Variants in RPS6KA2 observed in about 807,000 individuals in gnomAD.
RPS6KA2 encodes the protein ribosomal protein S6 kinase alpha-2.
Under a neutral mutation model 91.8 loss-of-function variants are expected in RPS6KA2, and 42 were observed. That is an observed-to-expected ratio of 0.46 (90% confidence interval 0.36 to 0.59). The LOEUF (loss-of-function observed/expected upper bound fraction) is 0.59. Ranked by LOEUF, RPS6KA2 falls within the 20% of genes least tolerant of loss-of-function variation. The pLI is 0.00. For missense variants in RPS6KA2, 798 were observed against 978.5 expected, an observed-to-expected ratio of 0.82 and a Z score of 2.46; for synonymous variants, 414 against 393.6, an observed-to-expected ratio of 1.05 and a Z score of -0.61.
chr6:166,850,222 A>G (rs1314974035), intron 2 of RPS6KA2, among the ~76,000 whole-genome samples: 1 of 151,956 alleles, frequency 6.6e-6, no homozygotes, highest in Admixed American at 6.6e-5. Context: ...TCCCCATTTT[A>G]TTACTTCAAA....
chr6:166,453,230 C>CAA lies in RPS6KA2; in HGVS notation c.1076-1999_1076-1998dup, dbSNP rs397720075. On this transcript the variant is annotated intron_variant, in intron 12 of 20. Coordinates refer to ENST00000265678, the MANE Select transcript of RPS6KA2 (RefSeq NM_021135.6). ...ACACACACACACACACACACACACA[C>CAA]AAAAAGGCTTTAAGACCAGCATAAG... 9.6e-5 allele frequency among the ~76,000 whole-genome samples: 14 copies of CAA among 146,558 alleles called. No individual in the cohort carries two copies. In the East Asian group the frequency reaches 1.6e-3, roughly 16 times the overall value.
Position 166,554,690 on chromosome 6 carries a change from C to T in RPS6KA2, c.100-15906G>A, listed in dbSNP as rs1328311736. Among the ~76,000 whole-genome samples the T allele has an allele frequency of 1.3e-5, 2 of 152,234 alleles. No individual in the cohort carries two copies. Among genetic ancestry groups the T allele is most frequent in the Non-Finnish European group, 2.9e-5 (2 of 68,036 alleles). On this transcript the variant is annotated intron_variant, in intron 1 of 20. Transcript: ENST00000265678. The surrounding 1 kb of genome is among the most constrained non-coding windows in gnomAD (Gnocchi z 4.3). ...GCCTGAAAGCAGGGGGCAAAACCAA[C>T]CTGCTGTCTGAAAGGGTTTTGTTTT...
chr6:166,625,882 C>T (rs1413920744), intron 1 of RPS6KA2, among the ~76,000 whole-genome samples: 2 of 152,194 alleles, frequency 1.3e-5, no homozygotes, highest in Non-Finnish European at 2.9e-5. Flanking sequence ...AAGTAATTCT[C>T]TTCTACTTTT....
rs571056905 is a variant in RPS6KA2 at position 166,700,899 on chromosome 6, G to T, written c.123+157301C>A. Among the ~76,000 whole-genome samples, 23 of 152,298 alleles carry T rather than the reference G, an allele frequency of 1.5e-4. No homozygotes were observed. In the South Asian group the frequency reaches 4.8e-3, roughly 32 times the overall value. On this transcript the variant is annotated intron_variant, in intron 2 of 21. Coordinates refer to the RPS6KA2 transcript ENST00000503859. ...TTGTGTGTTTGTTTTAAAGCTGGGTGTCATACATTTCAGAGAGCATAAAGT... is the reference window on the plus strand; with the variant it reads ...TTGTGTGTTTGTTTTAAAGCTGGGTTTCATACATTTCAGAGAGCATAAAGT...
chr6:166,620,747 A>G (rs1024293341), intron 1 of RPS6KA2, among the ~76,000 whole-genome samples: 1 of 152,256 alleles, frequency 6.6e-6, no homozygotes, highest in Non-Finnish European at 1.5e-5. Context: ...GACAAGGCAC[A>G]TTTCACTGAT....
chr6:166,498,489 A>G lies in RPS6KA2; in HGVS notation c.747+19T>C, dbSNP rs1781877044. The G allele has an allele frequency of 6.3e-7, 1 of 1,595,424 alleles. No homozygotes were observed. ...GGGAACAGCCGCCATGGCACAGAAG[A>G]GGGTCGGGGCAGGCTCACCATGAGC... On this transcript the variant is annotated intron_variant, in intron 8 of 20. Coordinates refer to ENST00000265678, the MANE Select transcript of RPS6KA2 (RefSeq NM_021135.6).
chr6:166,664,344 T>TA (rs2128558785), intron 2 of RPS6KA2, among the ~76,000 whole-genome samples: 1 of 152,374 alleles, frequency 6.6e-6, no homozygotes, highest in Non-Finnish European at 1.5e-5. Context: ...GTAAACACTT[T>TA]AAGTTTCCGG....
At chr6:166,746,146 G>C (rs1245619261) in intron 2 of RPS6KA2, among the ~76,000 whole-genome samples, 2 of 152,182 alleles carry the variant, frequency 1.3e-5, no homozygotes, top group Non-Finnish European at 2.9e-5. Flanking sequence ...TGAGTGGCCA[G>C]TGCCTTGGGA....
intron 2 of RPS6KA2, among the ~76,000 whole-genome samples, chr6:166,739,465 G>A (rs1196841653): frequency 2.6e-5 from 4 of 152,176 alleles, no homozygotes; most frequent in Non-Finnish European, 5.9e-5. Context: ...ATTAGAGCTC[G>A]TCTCTAAAAT....
rs543641462 is a variant in RPS6KA2 at position 166,733,456 on chromosome 6, T to C, written c.123+124744A>G. On this transcript the variant is annotated intron_variant, in intron 2 of 21. Coordinates refer to the RPS6KA2 transcript ENST00000503859. This position sits in a 1 kb window ranked among gnomAD's most constrained non-coding sequence, Gnocchi z 4.1. ...GGCAGGATCTACTCCCAAAAAGACA[T>C]AGGGACCCTTACAGTACGAGTTTTG... Among the ~76,000 whole-genome samples, 54 of 152,320 alleles carry C rather than the reference T, an allele frequency of 3.5e-4. No homozygotes were observed. The highest frequency in any genetic ancestry group is 1.2e-3 in the South Asian group (6 of 4,818).
In RPS6KA2 at chr6:166,437,560, G is replaced by C. The variant is rs1223936477; in HGVS notation, c.1333-5070C>G. Among the ~76,000 whole-genome samples, 1 of 152,204 alleles carries C rather than the reference G, an allele frequency of 6.6e-6. No homozygotes were observed. On this transcript the variant is annotated intron_variant, in intron 14 of 20. Coordinates refer to ENST00000265678, the MANE Select transcript of RPS6KA2 (RefSeq NM_021135.6). This position sits in a 1 kb window ranked among gnomAD's most constrained non-coding sequence, Gnocchi z 4.3. ...AACCTCCAGAGAAGGGCATTCTCCA[G>C]GGGTTGGCCACCCACCACAGCCGGT...
intron 2 of RPS6KA2, among the ~76,000 whole-genome samples, chr6:166,760,775 T>C (rs963026243): frequency 6.6e-6 from 1 of 152,164 alleles, no homozygotes; most frequent in African/African-American, 2.4e-5. Context: ...GCACAAAGGG[T>C]CCGAATAATC....
chr6:166,644,005 G>A (rs1379722309), intron 2 of RPS6KA2, among the ~76,000 whole-genome samples: 1 of 152,252 alleles, frequency 6.6e-6, no homozygotes, highest in African/African-American at 2.4e-5. Context: ...ATAGACGAGT[G>A]AAAGCAGTCA....
rs929932498 is a variant in RPS6KA2 at position 166,780,899 on chromosome 6, C to A, written c.123+77301G>T. ...AACACCCCAGGCTGAGCAACCAACACTCCCCAGTGGACTAATGCAGAGCCA... is the reference window on the plus strand; with the variant it reads ...AACACCCCAGGCTGAGCAACCAACAATCCCCAGTGGACTAATGCAGAGCCA... On this transcript the variant is annotated intron_variant, in intron 2 of 21. Coordinates refer to the RPS6KA2 transcript ENST00000503859. Among the ~76,000 whole-genome samples, 7 of 152,190 alleles carry A rather than the reference C, an allele frequency of 4.6e-5. 1 individual carries two copies. The highest frequency in any genetic ancestry group is 1.0e-4 in the Non-Finnish European group (7 of 68,032).
chr6:166,654,902 T>C (rs1404844653), intron 2 of RPS6KA2, among the ~76,000 whole-genome samples: 7 of 152,188 alleles, frequency 4.6e-5, no homozygotes, highest in Non-Finnish European at 8.8e-5. Context: ...ATAAGTAGGA[T>C]GTGGGGCAAT....
chr6:166,507,215 G>A (rs1034230484), intron 5 of RPS6KA2, among the ~76,000 whole-genome samples: 3 of 152,188 alleles, frequency 2.0e-5, no homozygotes, highest in Non-Finnish European at 2.9e-5. Flanking sequence ...CCTACCCACC[G>A]ACCTGCGCCT....
Position 166,419,073 on chromosome 6 carries a change from C to T in RPS6KA2, c.1821-731G>A, listed in dbSNP as rs1389165043. On this transcript the variant is annotated intron_variant, in intron 18 of 20. Transcript: ENST00000265678. This position sits in a 1 kb window ranked among gnomAD's most constrained non-coding sequence, Gnocchi z 5.6. ...GTGCGGCTTCAGGGCCTGATTTACT[C>T]TCCTTCTGCTGTGGACACTACCTGT... is the stretch of plus-strand genomic sequence containing the variant. Among the ~76,000 whole-genome samples the T allele has an allele frequency of 6.6e-6, 1 of 152,238 alleles. No homozygotes were observed. Among genetic ancestry groups the T allele is most frequent in the Non-Finnish European group, 1.5e-5 (1 of 68,040 alleles).
intron 2 of RPS6KA2, among the ~76,000 whole-genome samples, chr6:166,650,179 G>A (rs1230624413): frequency 6.7e-6 from 1 of 148,344 alleles, no homozygotes; most frequent in Non-Finnish European, 1.5e-5. Context: ...CAATTAACTT[G>A]TACCACAAGA....
In RPS6KA2 at chr6:166,849,289, T is replaced by C. The variant is rs1780677627; in HGVS notation, c.123+8911A>G. Among the ~76,000 whole-genome samples the C allele has an allele frequency of 6.6e-6, 1 of 152,224 alleles. No homozygotes were observed. The highest frequency in any genetic ancestry group is 1.5e-5 in the Non-Finnish European group (1 of 68,038). ...TAACCATGCCCCATGCCTCTGCTGG[T>C]ATGGCCCACGCAGAGCACTCCCTGT... is the stretch of plus-strand genomic sequence containing the variant. On this transcript the variant is annotated intron_variant, in intron 2 of 21. Transcript: ENST00000503859. The surrounding 1 kb of genome is among the most constrained non-coding windows in gnomAD (Gnocchi z 4.9).
Sources: gnomAD v4.1 joint callset for allele counts (sites outside exome capture counted in the v4.1 genomes callset) on GRCh38, gnomAD v4.1.1 for gene constraint, Gnocchi (gnomAD v3.1) non-coding constraint, MANE v1.5 for transcripts, NCBI Gene and HGNC (gene_info 2026-07-23, HGNC 2026-07-21) for gene names.